Variants in GPR26 observed in about 807,000 individuals in gnomAD.
GPR26 encodes the protein G protein-coupled receptor 26.
A neutral mutation model predicts 23.1 loss-of-function variants in GPR26; 15 were observed. The observed-to-expected ratio is 0.65, with a 90% confidence interval of 0.43 to 1.00. The LOEUF (loss-of-function observed/expected upper bound fraction) is 1.00. Ranked by LOEUF, GPR26 falls within the 50% of genes least tolerant of loss-of-function variation. The probability of loss-of-function intolerance (pLI) is 0.00; values close to 1 mark genes in which losing one functional copy is unlikely to be tolerated. For synonymous variants in GPR26, 228 were observed against 222.1 expected (o/e 1.03, Z -0.24); for missense variants, 359 against 470.5 (o/e 0.76, Z 2.19).
At chr10:123,687,830 G>T in intron 2 of GPR26, 99 bp from the exon 3 acceptor site, 1 of 751,786 alleles carries the variant, frequency 1.3e-6, no homozygotes. Flanking sequence ...GTTGGGCTGC[G>T]AAACCGTGGT....
At chr10:123,682,813 A>C (rs1210652446) in intron 2 of GPR26, among the ~76,000 whole-genome samples, 3 of 152,196 alleles carry the variant, frequency 2.0e-5, no homozygotes, top group African/African-American at 7.2e-5. Context: ...TCTATTAATA[A>C]AATGACTTCT....
In GPR26 at chr10:123,692,136, G is replaced by A. The variant is rs1183829055; in HGVS notation, c.*3976G>A. 6.6e-6 allele frequency: 1 copy of A among 152,234 alleles called. No homozygotes were observed. The highest frequency in any genetic ancestry group is 2.4e-5 in the African/African-American group (1 of 41,450). The allele number at this position is 152,234 out of a possible 1,614,324, so 9.4% of individuals were successfully genotyped here. A position where few individuals can be genotyped will look rare whatever the true frequency, so the allele number is the denominator to read the frequency against. On this transcript the variant is annotated 3_prime_UTR_variant, in exon 3 of 3. Transcript: ENST00000284674. ...TTATGGGGCTCCAGGTCATAAGGATGAGATATATTTGGGGTACTGGCAGAG... is the reference window on the plus strand; with the variant it reads ...TTATGGGGCTCCAGGTCATAAGGATAAGATATATTTGGGGTACTGGCAGAG...
chr10:123,680,833 G>GGGC lies in GPR26; in HGVS notation c.782+5904_782+5905insCGG, dbSNP rs1160377018. On this transcript the variant is annotated intron_variant, in intron 2 of 2. Coordinates refer to ENST00000284674, the MANE Select transcript of GPR26 (RefSeq NM_153442.4). Reference sequence around the variant, plus strand: ...TTGTTTTGTTTTGTTTTTTTGGGGGGGGGGGTTGTTTTTTTGTTTTTTTTG... The same window carrying GGGC: ...TTGTTTTGTTTTGTTTTTTTGGGGGGGGCGGGGGTTGTTTTTTTGTTTTTTTTG... Among the ~76,000 whole-genome samples, 94 of 130,764 alleles carry GGGC rather than the reference G, an allele frequency of 7.2e-4. 3 individuals are homozygous for GGGC. The highest frequency in any genetic ancestry group is 2.1e-3 in the African/African-American group (72 of 34,530). The allele number at this position is 130,764 out of a possible 152,430, so 85.8% of individuals were successfully genotyped here.
rs772185703 is a variant in GPR26 at position 123,666,575 on chromosome 10, C to A, written c.168C>A (p.Thr56=). ...LNLTCGNLLC[T]VVNMPLTLAG... is the part of the protein sequence containing the mutation. ...TCACGTGCGGGAACCTGCTGTGCAC[C>A]GTGGTCAACATGCCGCTCACGCTGG... The change falls in exon 1 of 3, where the codon ACC becomes ACA. Residue 56 remains threonine (T), a synonymous_variant. Transcript: ENST00000284674. The A allele has an allele frequency of 1.3e-6, 2 of 1,597,528 alleles. No individual in the cohort carries two copies. The highest frequency in any genetic ancestry group is 1.3e-5 in the African/African-American group (1 of 74,660).
At chr10:123,681,276 G>A (rs937847671) in intron 2 of GPR26, among the ~76,000 whole-genome samples, 7 of 152,064 alleles carry the variant, frequency 4.6e-5, no homozygotes, top group Admixed American at 6.6e-5. Flanking sequence ...CACAATGACC[G>A]CTCTGCTTCT....
intron 2 of GPR26, among the ~76,000 whole-genome samples, chr10:123,683,596 G>A (rs1845401769): frequency 6.6e-6 from 1 of 152,212 alleles, no homozygotes; most frequent in African/African-American, 2.4e-5. Flanking sequence ...TGCCTAGGCT[G>A]CTGGGTGGGA....
chr10:123,674,983 C>G lies in GPR26; in HGVS notation c.782+52C>G, dbSNP rs781106985. ...GGGACTTTGAAGAGTAAGGCAGGGCCCAGTGACCTTTAGCAGTGGCAGCCT... is the reference window on the plus strand; with the variant it reads ...GGGACTTTGAAGAGTAAGGCAGGGCGCAGTGACCTTTAGCAGTGGCAGCCT... On this transcript the variant is annotated intron_variant, in intron 2 of 2. Coordinates refer to ENST00000284674, the MANE Select transcript of GPR26 (RefSeq NM_153442.4). This position sits in a 1 kb window ranked among gnomAD's most constrained non-coding sequence, Gnocchi z 4.1. 4 of 1,138,200 alleles carry G rather than the reference C, an allele frequency of 3.5e-6. 1 individual carries two copies. In the South Asian group the frequency reaches 5.1e-5, roughly 15 times the overall value. The allele number at this position is 1,138,200 out of a possible 1,614,324, so 70.5% of individuals were successfully genotyped here.
At chr10:123,676,925 C>T (rs922611647) in intron 2 of GPR26, among the ~76,000 whole-genome samples, 4 of 152,222 alleles carry the variant, frequency 2.6e-5, no homozygotes, top group Non-Finnish European at 4.4e-5. Flanking sequence ...CACTCTCCTT[C>T]CCTCTGGCAC....
At chr10:123,686,663 G>T (rs913742488) in intron 2 of GPR26, among the ~76,000 whole-genome samples, 2 of 152,176 alleles carry the variant, frequency 1.3e-5, no homozygotes, top group Admixed American at 1.3e-4. Context: ...TCCAGCTCAA[G>T]CTCAGTTCTT....
At chr10:123,679,881 C>T (rs1456173075) in intron 2 of GPR26, among the ~76,000 whole-genome samples, 2 of 152,200 alleles carry the variant, frequency 1.3e-5, no homozygotes, top group Non-Finnish European at 2.9e-5. Context: ...CTGAGCGAGT[C>T]ATACTCCTGG....
intron 1 of GPR26, among the ~76,000 whole-genome samples, chr10:123,667,589 G>GTGTA (rs1204886734): frequency 6.6e-6 from 1 of 150,860 alleles, no homozygotes; most frequent in Non-Finnish European, 1.5e-5. Flanking sequence ...GTGTGTGTGT[G>GTGTA]TGTGTGTGTG....
intron 1 of GPR26, among the ~76,000 whole-genome samples, chr10:123,669,043 C>T (rs1180531373): frequency 6.6e-6 from 1 of 151,512 alleles, no homozygotes; most frequent in African/African-American, 2.4e-5. Flanking sequence ...CCTTCGATTT[C>T]CCCTCCATTC....
chr10:123,672,070 C>T (rs1322040253), intron 1 of GPR26, among the ~76,000 whole-genome samples: 2 of 152,176 alleles, frequency 1.3e-5, no homozygotes, highest in Non-Finnish European at 2.9e-5. Flanking sequence ...CTCTTGCCAC[C>T]TCCCTGTTCT....
chr10:123,681,183 G>T (rs1464188687), intron 2 of GPR26, among the ~76,000 whole-genome samples: 1 of 152,120 alleles, frequency 6.6e-6, no homozygotes, highest in Non-Finnish European at 1.5e-5. Context: ...GCTCAGTCAG[G>T]TTCCAGCCTT....
intron 1 of GPR26, among the ~76,000 whole-genome samples, chr10:123,668,605 G>A (rs1255257024): frequency 6.6e-6 from 1 of 152,240 alleles, no homozygotes; most frequent in Non-Finnish European, 1.5e-5. Context: ...TCTCTGCATG[G>A]TTCAGTGTCC....
At chr10:123,683,795 G>A (rs1241348355) in intron 2 of GPR26, among the ~76,000 whole-genome samples, 1 of 152,164 alleles carries the variant, frequency 6.6e-6, no homozygotes, top group African/African-American at 2.4e-5. Context: ...AGCACACAGG[G>A]TTTGGGGGTC....
At chr10:123,684,675 C>G (rs1481524483) in intron 2 of GPR26, among the ~76,000 whole-genome samples, 3 of 152,230 alleles carry the variant, frequency 2.0e-5, no homozygotes, top group Admixed American at 6.5e-5. Flanking sequence ...CCTTCGTGTT[C>G]ACACGGCACT....
rs1407470674 is a variant in GPR26 at position 123,695,532 on chromosome 10, T to A, written c.*7372T>A. On this transcript the variant is annotated 3_prime_UTR_variant, in exon 3 of 3. Transcript: ENST00000284674. ...AAGGCTTCAGTCTTATCCCGGACAA[T>A]CCTCAGGGATTGGGTTTGATGTCGG... is the stretch of plus-strand genomic sequence containing the variant. Among the ~76,000 whole-genome samples, 2 of 152,094 alleles carry A rather than the reference T, an allele frequency of 1.3e-5. No homozygotes were observed. The highest frequency in any genetic ancestry group is 2.9e-5 in the Non-Finnish European group (2 of 68,018).
rs1224676356 is a variant in GPR26 at position 123,692,292 on chromosome 10, G to A, written c.*4132G>A. 6.6e-6 allele frequency: 1 copy of A among 152,306 alleles called. No homozygotes were observed. The highest frequency in any genetic ancestry group is 1.5e-5 in the Non-Finnish European group (1 of 68,106). The allele number at this position is 152,306 out of a possible 1,614,324, so 9.4% of individuals were successfully genotyped here. ...CTCTACTGGGGCAGCCTGGCTGTGG[G>A]AGGTGATGACATCTGCCACCTCTGC... On this transcript the variant is annotated 3_prime_UTR_variant, in exon 3 of 3. Transcript: ENST00000284674.
Sources: allele counts gnomAD v4.1 joint callset (sites outside exome capture counted in the v4.1 genomes callset), GRCh38; gene constraint gnomAD v4.1.1; non-coding constraint Gnocchi (gnomAD v3.1); transcripts MANE v1.5; gene names NCBI Gene and HGNC (gene_info 2026-07-23, HGNC 2026-07-21).